PDE4D: variants seen among roughly 807,000 people sequenced by gnomAD.
PDE4D encodes the protein phosphodiesterase 4D, also known as 3',5'-cyclic-AMP phosphodiesterase 4D.
Under a neutral mutation model 87.4 loss-of-function variants are expected in PDE4D, and 24 were observed. That is an observed-to-expected ratio of 0.27 (90% CI 0.20 to 0.39). PDE4D has a LOEUF of 0.39. Among genes scored for constraint, PDE4D ranks in the 10% least tolerant of loss-of-function variants. The pLI is 1.00. For synonymous variants in PDE4D, 384 were observed against 383.2 expected, an observed-to-expected ratio of 1.00 and a Z score of -0.02; for missense variants, 714 against 1,041.0, an observed-to-expected ratio of 0.69 and a Z score of 4.32.
At chr5:60,254,962 T>C (rs750245018) in intron 1 of PDE4D, among the ~76,000 whole-genome samples, 3 of 151,882 alleles carry the variant, frequency 2.0e-5, no homozygotes, top group Non-Finnish European at 4.4e-5. Flanking sequence ...AGTACTCTCA[T>C]TCTCATAGCA....
At chr5:59,089,175 G>T (rs1768247742) in intron 5 of PDE4D, among the ~76,000 whole-genome samples, 2 of 152,016 alleles carry the variant, frequency 1.3e-5, no homozygotes, top group Middle Eastern at 6.8e-3. Context: ...ATACATTTTT[G>T]TTGTTGTTGT....
intron 1 of PDE4D, among the ~76,000 whole-genome samples, chr5:59,559,330 T>C (rs1241336798): frequency 4.6e-5 from 7 of 152,220 alleles, no homozygotes; most frequent in Non-Finnish European, 8.8e-5. Flanking sequence ...AATAGTATAA[T>C]TCTTTCTTCA....
In PDE4D at chr5:59,893,256, G is replaced by A. The variant is rs1384356342; in HGVS notation, c.367C>T (p.Arg123Cys). 1 of 1,553,070 alleles carries A rather than the reference G, an allele frequency of 6.4e-7. No individual in the cohort carries two copies. The highest frequency in any genetic ancestry group is 1.4e-5 in the African/African-American group (1 of 73,152). Residue 123 changes from arginine to cysteine, a missense_variant, in exon 1 of 15, where the codon CGC becomes TGC. Arg to Cys is a radical substitution (Grantham distance 180). Coordinates refer to ENST00000340635, the MANE Select transcript of PDE4D (RefSeq NM_001104631.2). ...ERYLYCRAMD[R>C]TSYAVETGHR... is the part of the protein sequence containing the mutation. Reference sequence around the variant, plus strand: ...CCGGTCTCCACCGCGTAGGAGGTGCGGTCCATGGCGCGACAGTACAGGTAG... The same window carrying A: ...CCGGTCTCCACCGCGTAGGAGGTGCAGTCCATGGCGCGACAGTACAGGTAG...
At chr5:60,016,550 TAGA>T (rs1353514104) in intron 2 of PDE4D, among the ~76,000 whole-genome samples, 3 of 152,226 alleles carry the variant, frequency 2.0e-5, no homozygotes, top group Non-Finnish European at 4.4e-5. Flanking sequence ...TCTTTCAAAA[TAGA>T]AGTCAGTTCT....
chr5:60,157,101 T>A lies in PDE4D; in HGVS notation c.42+28456A>T, dbSNP rs538989786. Among the ~76,000 whole-genome samples, 3 of 152,326 alleles carry A rather than the reference T, an allele frequency of 2.0e-5. No individual in the cohort carries two copies. In the East Asian group the frequency reaches 5.8e-4, roughly 29 times the overall value. On this transcript the variant is annotated intron_variant, in intron 2 of 16. Coordinates refer to the PDE4D transcript ENST00000502484. ...AAAGTACTTTCCAGCAAAGTGTTTT[T>A]CAATTTTGTAAGAATGTTTGTTTTG...
intron 1 of PDE4D, among the ~76,000 whole-genome samples, chr5:59,316,949 G>C (rs1362687529): frequency 1.3e-5 from 2 of 152,166 alleles, no homozygotes; most frequent in African/African-American, 4.8e-5. Context: ...CTGCCTTCCT[G>C]TCTCAATGGA....
chr5:59,203,699 A>T (rs1472084857), intron 2 of PDE4D, among the ~76,000 whole-genome samples: 2 of 152,196 alleles, frequency 1.3e-5, no homozygotes, highest in African/African-American at 4.8e-5. Flanking sequence ...GACAATATGG[A>T]TGTTCCTAGA....
At chr5:60,391,734 A>T (rs1489242870) in intron 1 of PDE4D, among the ~76,000 whole-genome samples, 1 of 152,146 alleles carries the variant, frequency 6.6e-6, no homozygotes, top group African/African-American at 2.4e-5. Flanking sequence ...TTCCATCCAC[A>T]ATCTTAACTC....
rs145201010 is a variant in PDE4D at position 59,202,447 on chromosome 5, C to T, written c.648-8911G>A. Among the ~76,000 whole-genome samples the T allele has an allele frequency of 3.3e-5, 5 of 152,310 alleles. No individual in the cohort carries two copies. The East Asian group carries it at 9.6e-4, about 29-fold the overall frequency. On this transcript the variant is annotated intron_variant, in intron 2 of 14. Coordinates refer to ENST00000340635, the MANE Select transcript of PDE4D (RefSeq NM_001104631.2). ...CACAATTCACAGCTGACTGCAGCCT[C>T]AAGCTCCTGGACTCAAGTGATCCTC...
At chr5:60,058,893 T>C (rs1329492241) in intron 2 of PDE4D, among the ~76,000 whole-genome samples, 1 of 152,004 alleles carries the variant, frequency 6.6e-6, no homozygotes, top group African/African-American at 2.4e-5. Flanking sequence ...TTATTCATTG[T>C]TTTAAAATTC....
intron 2 of PDE4D, among the ~76,000 whole-genome samples, chr5:59,208,738 A>G (rs540442639): frequency 1.3e-5 from 2 of 152,354 alleles, no homozygotes; most frequent in African/African-American, 4.8e-5. Flanking sequence ...GACTTATTTT[A>G]CAATTCATGA....
chr5:59,493,496 G>T (rs926078876), intron 1 of PDE4D, among the ~76,000 whole-genome samples: 3 of 152,208 alleles, frequency 2.0e-5, no homozygotes, highest in Non-Finnish European at 4.4e-5. Context: ...TTAATGTAAA[G>T]TTGTTAAAGC....
intron 1 of PDE4D, among the ~76,000 whole-genome samples, chr5:59,489,391 G>A (rs540113781): frequency 6.6e-6 from 1 of 152,158 alleles, no homozygotes; most frequent in East Asian, 1.9e-4. Flanking sequence ...GCATCTAGAA[G>A]ACAGTAATTA....
intron 1 of PDE4D, among the ~76,000 whole-genome samples, chr5:60,474,105 C>CATATATATATATGTGTACAT: frequency 3.2e-5 from 1 of 31,002 alleles, no homozygotes; most frequent in South Asian, 1.5e-3. Context: ...TTTGAGCTGC[C>CATATATATATATGTGTACAT]ATATATATAT....
At chr5:59,640,586 C>A (rs1456793884) in intron 1 of PDE4D, among the ~76,000 whole-genome samples, 1 of 152,196 alleles carries the variant, frequency 6.6e-6, no homozygotes, top group African/African-American at 2.4e-5. Flanking sequence ...GGAGACAGAG[C>A]CTGCTGTCCC....
At chr5:59,358,996 G>C (rs1055577985) in intron 1 of PDE4D, among the ~76,000 whole-genome samples, 2 of 152,178 alleles carry the variant, frequency 1.3e-5, no homozygotes, top group Non-Finnish European at 2.9e-5. Flanking sequence ...TCAGGCTAAA[G>C]CCAGCAGTAT....
At chr5:59,035,506 G>A (rs1318063564) in intron 6 of PDE4D, among the ~76,000 whole-genome samples, 1 of 152,120 alleles carries the variant, frequency 6.6e-6, no homozygotes, top group Non-Finnish European at 1.5e-5. Flanking sequence ...TAGCCACGTA[G>A]GCAACCAATG....
intron 3 of PDE4D, among the ~76,000 whole-genome samples, chr5:59,951,482 T>C (rs959262945): frequency 2.6e-5 from 4 of 152,214 alleles, no homozygotes; most frequent in Non-Finnish European, 5.9e-5. Flanking sequence ...TGGAAGGATA[T>C]AAACTCACAA....
intron 10 of PDE4D, among the ~76,000 whole-genome samples, chr5:58,988,925 T>G (rs1010160285): frequency 6.6e-6 from 1 of 152,202 alleles, no homozygotes; most frequent in Non-Finnish European, 1.5e-5. Flanking sequence ...ATTCTGAAAA[T>G]GTACATAAAA....
Sources: allele counts gnomAD v4.1 joint callset (sites outside exome capture counted in the v4.1 genomes callset), GRCh38; gene constraint gnomAD v4.1.1; transcripts MANE v1.5; gene names NCBI Gene and HGNC (gene_info 2026-07-23, HGNC 2026-07-21).